TDRD12: variants seen among roughly 807,000 people sequenced by gnomAD.
TDRD12 encodes the protein putative ATP-dependent RNA helicase TDRD12.
In TDRD12, 158 loss-of-function variants were observed where a neutral mutation model predicts 133.5. That is an observed-to-expected ratio of 1.18 (90% confidence interval 1.04 to 1.35). TDRD12 has a LOEUF of 1.35. Ranked by LOEUF, TDRD12 falls within the 40% of genes most tolerant of loss-of-function variation. The pLI is 0.00. For synonymous variants in TDRD12, 460 were observed against 477.9 expected (o/e 0.96, Z 0.49); for missense variants, 1,443 against 1,321.3 (o/e 1.09, Z -1.43).
At chr19:32,776,058 C>T (rs1005275493) in intron 10 of TDRD12, among the ~76,000 whole-genome samples, 1 of 152,096 alleles carries the variant, frequency 6.6e-6, no homozygotes, top group Non-Finnish European at 1.5e-5. Context: ...CTGCCTGGGG[C>T]CTGTTCTGCA....
chr19:32,765,464 C>G (rs1261434612), intron 8 of TDRD12, among the ~76,000 whole-genome samples: 1 of 152,108 alleles, frequency 6.6e-6, no homozygotes, highest in Non-Finnish European at 1.5e-5. Context: ...GCACTATTCA[C>G]AATAGCAAAT....
At chr19:32,783,130 C>T (rs1437594927) in intron 11 of TDRD12, among the ~76,000 whole-genome samples, 4 of 152,028 alleles carry the variant, frequency 2.6e-5, no homozygotes, top group African/African-American at 4.8e-5. Context: ...CATCTTGAGT[C>T]TATTTTTGTG....
intron 1 of TDRD12, among the ~76,000 whole-genome samples, chr19:32,721,889 T>C (rs1333418015): frequency 2.0e-5 from 3 of 149,660 alleles, no homozygotes; most frequent in Admixed American, 6.7e-5. Context: ...TTTTTTTTTT[T>C]GTATTTTTAG....
In TDRD12 at chr19:32,826,546, TCA is replaced by T; in HGVS notation, c.999_1000del (p.Thr334SerfsTer51). On this transcript the variant is annotated frameshift_variant, in exon 9 of 10. Coordinates refer to the TDRD12 transcript ENST00000637289. LOFTEE classifies it high-confidence loss of function. ...GTGATTAGAAACGATGAACCTGTAA[TCA>T]CTCTGGCCAAAGAGAGAAGGGAGGC... The T allele has an allele frequency of 8.0e-7, 1 of 1,245,808 alleles. No individual in the cohort carries two copies. Among genetic ancestry groups the T allele is most frequent in the Non-Finnish European group, 1.0e-6 (1 of 995,886 alleles). The allele number at this position is 1,245,808 out of a possible 1,614,324, so 77.2% of individuals were successfully genotyped here. A position where few individuals can be genotyped will look rare whatever the true frequency, so the allele number is the denominator to read the frequency against.
rs997429545 is a variant in TDRD12, at chr19:32,799,960, T to C, written c.1759-207T>C. 1.3e-5 allele frequency among the ~76,000 whole-genome samples: 2 copies of C among 151,882 alleles called. 1 individual carries two copies. The highest frequency in any genetic ancestry group is 1.3e-4 in the Admixed American group (2 of 15,236). ...CATGTTGGCCAGGCTGGTCTTGAATTCCTGACCTCATGATCCGCCTGCCTC... is the reference window on the plus strand; with the variant it reads ...CATGTTGGCCAGGCTGGTCTTGAATCCCTGACCTCATGATCCGCCTGCCTC... On this transcript the variant is annotated intron_variant, in intron 16 of 27. Transcript: ENST00000444215.
Position 32,761,366 on chromosome 19 carries a change from G to A in TDRD12, c.865+4236G>A, listed in dbSNP as rs1293642633. On this transcript the variant is annotated intron_variant, in intron 8 of 27. Coordinates refer to ENST00000444215, the Ensembl canonical transcript of TDRD12. ...AGGATGGTCTCGATCTCCTGACCTC[G>A]TGATCCGCCCGCCTCGGCCTCCCAA... Among the ~76,000 whole-genome samples the A allele has an allele frequency of 3.3e-5, 5 of 151,974 alleles. No homozygotes were observed. The South Asian group carries it at 6.2e-4, about 19-fold the overall frequency.
At chr19:32,753,060 G>A (rs1209699983) in intron 6 of TDRD12, among the ~76,000 whole-genome samples, 1 of 151,826 alleles carries the variant, frequency 6.6e-6, no homozygotes, top group African/African-American at 2.4e-5. Flanking sequence ...CCAAAGTGCT[G>A]GGATTACAGG....
chr19:32,777,297 A>T lies in TDRD12; in HGVS notation c.1121+68A>T, dbSNP rs997633523. ...TATAATAAAATTATAAACAAGAGAA[A>T]TCTACACATTTTATTATTAATTTCA... On this transcript the variant is annotated intron_variant, in intron 11 of 27. Coordinates refer to ENST00000444215, the Ensembl canonical transcript of TDRD12. 4.0e-5 allele frequency: 40 copies of T among 991,260 alleles called. 1 individual carries two copies. Among genetic ancestry groups the T allele is most frequent in the Non-Finnish European group, 5.3e-5 (36 of 680,652 alleles). The allele number at this position is 991,260 out of a possible 1,614,324, so 61.4% of individuals were successfully genotyped here. A position where few individuals can be genotyped will look rare whatever the true frequency, so the allele number is the denominator to read the frequency against.
rs901970342 is a variant in TDRD12, at chr19:32,784,081, G to A, written c.1122-6450G>A. The stretch of plus-strand genomic sequence containing the variant: ...TCCTTGTCTTGTGCCAGTTTTCAAA[G>A]GGAATGCTTCCAGTTTTTGCCCATT... On this transcript the variant is annotated intron_variant, in intron 11 of 27. Transcript: ENST00000444215. Among the ~76,000 whole-genome samples the A allele has an allele frequency of 2.0e-5, 3 of 152,282 alleles. No individual in the cohort carries two copies. In the South Asian group the frequency reaches 6.2e-4, roughly 32 times the overall value.
At chr19:32,807,580 A>G (rs1971589946) in exon 22 of TDRD12, 1 of 1,535,222 alleles carries the variant, frequency 6.5e-7, no homozygotes, top group Non-Finnish European at 8.7e-7. Flanking sequence ...CCGACACCGT[A>G]TTAATCCAGA....
intron 21 of TDRD12, among the ~76,000 whole-genome samples, chr19:32,806,995 T>A (rs1163518680): frequency 6.6e-6 from 1 of 152,182 alleles, no homozygotes. Flanking sequence ...CAATTTCAAC[T>A]ATTTCTCAAC....
At chr19:32,826,733 C>G (rs1325341705) in intron 9 of TDRD12, 1 of 1,232,112 alleles carries the variant, frequency 8.1e-7, no homozygotes, top group Non-Finnish European at 1.0e-6. Context: ...GTGAAGAGGA[C>G]AGCCACTTCC....
chr19:32,752,736 A>G (rs1007409876), intron 6 of TDRD12, among the ~76,000 whole-genome samples: 6 of 149,770 alleles, frequency 4.0e-5, no homozygotes, highest in Admixed American at 1.3e-4. Flanking sequence ...TGATGCCACA[A>G]TGTTTATCAT....
chr19:32,735,131 T>C (rs190506576), intron 2 of TDRD12, among the ~76,000 whole-genome samples: 95 of 152,206 alleles, frequency 6.2e-4, no homozygotes, highest in African/African-American at 2.3e-3. Context: ...AAGCTAGAAA[T>C]GATTGAACTT....
chr19:32,733,158 C>T (rs140327582), intron 2 of TDRD12, among the ~76,000 whole-genome samples: 1 of 151,876 alleles, frequency 6.6e-6, no homozygotes, highest in African/African-American at 2.4e-5. Context: ...GGCGAGACAG[C>T]GAGACTGTCT....
chr19:32,822,373 A>C (rs1035003827), downstream of TDRD12, among the ~76,000 whole-genome samples: 2 of 152,260 alleles, frequency 1.3e-5, no homozygotes, highest in Non-Finnish European at 2.9e-5. Context: ...CGGAGGTTGC[A>C]GTGAGCCAAG....
intron 1 of TDRD12, 112 bp downstream of exon 1, chr19:32,720,208 C>A: frequency 8.1e-7 from 1 of 1,238,822 alleles, no homozygotes. Flanking sequence ...CCTACACCCA[C>A]CGCAGCCCCG....
intron 21 of TDRD12, among the ~76,000 whole-genome samples, chr19:32,804,324 G>A (rs1398030744): frequency 1.3e-5 from 2 of 150,500 alleles, no homozygotes; most frequent in Non-Finnish European, 3.0e-5. Flanking sequence ...TGCCCGCCTC[G>A]GCCTCCCAAA....
intron 21 of TDRD12, among the ~76,000 whole-genome samples, chr19:32,804,408 T>A (rs1333845370): frequency 2.0e-5 from 3 of 150,884 alleles, no homozygotes; most frequent in African/African-American, 7.3e-5. Context: ...TATTTGCCTA[T>A]CTTGGCCAGG....
Sources: allele counts gnomAD v4.1 joint callset (sites outside exome capture counted in the v4.1 genomes callset), GRCh38; gene constraint gnomAD v4.1.1; transcripts MANE v1.5; gene names NCBI Gene and HGNC (gene_info 2026-07-23, HGNC 2026-07-21).